The following KDM3B variants were observed in gnomAD, a reference collection of about 807,000 sequenced individuals.
KDM3B encodes the protein lysine demethylase 3B.
KDM3B carries 10 observed loss-of-function variants against 170.0 expected under a neutral mutation model. The ratio of observed to expected loss-of-function variants is 0.06; its 90% CI spans 0.04 to 0.10. The LOEUF (loss-of-function observed/expected upper bound fraction) is 0.10. KDM3B is among the 10% of genes least tolerant of loss of function. The probability of loss-of-function intolerance (pLI) is 1.00; values close to 1 mark genes in which losing one functional copy is unlikely to be tolerated. For missense variants in KDM3B, 1,394 were observed against 2,195.2 expected (o/e 0.64, Z 7.29); for synonymous variants, 831 against 834.8 (o/e 1.00, Z 0.08).
At chr5:138,409,683 T>C (rs1429373393) in intron 11 of KDM3B, among the ~76,000 whole-genome samples, 1 of 152,156 alleles carries the variant, frequency 6.6e-6, no homozygotes, top group Non-Finnish European at 1.5e-5. Flanking sequence ...TTTGGGAAAC[T>C]GAAGTGGGAG....
chr5:138,420,456 T>C (rs1421432316), intron 14 of KDM3B, among the ~76,000 whole-genome samples: 1 of 152,186 alleles, frequency 6.6e-6, no homozygotes, highest in Non-Finnish European at 1.5e-5. Flanking sequence ...AGATGAAAGA[T>C]GGATGACAAC....
At chr5:138,424,034 G>A (rs1763335112) in intron 15 of KDM3B, 41 bp from the exon 16 acceptor site, 1 of 1,499,746 alleles carries the variant, frequency 6.7e-7, no homozygotes, top group Admixed American at 2.2e-5. Flanking sequence ...CGTTCTCATG[G>A]TGCCTCAGTC....
chr5:138,430,473 T>C (rs1431434686), intron 22 of KDM3B, 48 bp downstream of exon 22: 2 of 1,533,364 alleles, frequency 1.3e-6, no homozygotes, highest in Non-Finnish European at 8.9e-7. Context: ...TGGGCTTTCT[T>C]ATTTCTGCTT....
At chr5:138,370,361 G>T (rs775495646) in intron 1 of KDM3B, among the ~76,000 whole-genome samples, 1 of 152,150 alleles carries the variant, frequency 6.6e-6, no homozygotes, top group Non-Finnish European at 1.5e-5. Context: ...CAGTTCACAA[G>T]TATTTGTTGC....
chr5:138,417,021 A>G (rs1763123306), intron 12 of KDM3B, among the ~76,000 whole-genome samples: 1 of 152,148 alleles, frequency 6.6e-6, no homozygotes, highest in African/African-American at 2.4e-5. Flanking sequence ...GGGTTTCACC[A>G]TGTTGGCCAG....
At chr5:138,420,672 G>C in intron 14 of KDM3B, 34 bp from the exon 15 acceptor site, 3 of 1,609,242 alleles carry the variant, frequency 1.9e-6, no homozygotes, top group Non-Finnish European at 2.5e-6. Flanking sequence ...ATTCCTTTTT[G>C]TACCTAATGC....
Position 138,391,084 on chromosome 5 carries a change from T to A in KDM3B, c.1452T>A (p.Thr484=). Residue 484 remains threonine (T), a synonymous_variant, in exon 8 of 24, where the codon ACT becomes ACA. Coordinates refer to ENST00000314358, the MANE Select transcript of KDM3B (RefSeq NM_016604.4). This position sits in a 1 kb window ranked among gnomAD's most constrained non-coding sequence, Gnocchi z 5.0. ...APLPSSSQPL[T]FGSGRSQSNG... Reference sequence around the variant, plus strand: ...TCCCTAGTTCATCGCAACCTTTGACTTTTGGAAGTGGAAGGAGCCAGTCCA... The same window carrying A: ...TCCCTAGTTCATCGCAACCTTTGACATTTGGAAGTGGAAGGAGCCAGTCCA... The A allele has an allele frequency of 6.2e-7, 1 of 1,612,208 alleles. No individual in the cohort carries two copies. The highest frequency in any genetic ancestry group is 8.5e-7 in the Non-Finnish European group (1 of 1,179,108).
intron 11 of KDM3B, among the ~76,000 whole-genome samples, chr5:138,406,358 T>A (rs1762820940): frequency 6.6e-6 from 1 of 152,006 alleles, no homozygotes; most frequent in Non-Finnish European, 1.5e-5. Context: ...AAAAGAAAAG[T>A]TAAGGTCAGG....
chr5:138,418,970 T>C lies in KDM3B; in HGVS notation c.3453T>C (p.Pro1151=), dbSNP rs905799527. ...NGMSQLPSIN[P]SASSGNETTF... is the part of the protein sequence containing the mutation. Reference sequence around the variant, plus strand: ...CATTTTAGCTTCCTAGCATAAACCCTAGTGCCTCTTCTGGAAACGAAACTA... The same window carrying C: ...CATTTTAGCTTCCTAGCATAAACCCCAGTGCCTCTTCTGGAAACGAAACTA... The change falls in exon 14 of 24, where the codon CCT becomes CCC. Residue 1151 remains proline, a synonymous_variant. Coordinates refer to ENST00000314358, the MANE Select transcript of KDM3B (RefSeq NM_016604.4). 1.9e-6 allele frequency: 3 copies of C among 1,614,224 alleles called. No individual in the cohort carries two copies. Among genetic ancestry groups the C allele is most frequent in the Non-Finnish European group, 2.5e-6 (3 of 1,180,040 alleles).
chr5:138,374,265 G>T (rs931813735), intron 2 of KDM3B: 2 of 431,812 alleles, frequency 4.6e-6, no homozygotes, highest in Non-Finnish European at 9.3e-6. Flanking sequence ...ATTTGTTTTT[G>T]TTGTTGTTGT....
At position 138,429,872 on chromosome 5, in the gene KDM3B, G is replaced by A. The variant is rs1192557181; in HGVS notation, c.4800G>A (p.Lys1600=). 3 of 1,614,096 alleles carry A rather than the reference G, an allele frequency of 1.9e-6. No individual in the cohort carries two copies. Among genetic ancestry groups the A allele is most frequent in the African/African-American group, 2.7e-5 (2 of 74,944 alleles). Residue 1600 remains lysine (K), a synonymous_variant, in exon 21 of 24, where the codon AAG becomes AAA. Coordinates refer to ENST00000314358, the MANE Select transcript of KDM3B (RefSeq NM_016604.4). ...AGGGAGATGCCGATGAGGTGACGAA[G>A]CAGAGGATTCATGATGGAAAAGAGA... The part of the protein sequence containing the change: ...IDEGDADEVT[K]QRIHDGKEKP...
Position 138,419,107 on chromosome 5 carries a change from C to G in KDM3B, c.3590C>G (p.Ser1197Trp), listed in dbSNP as rs777239432. The G allele has an allele frequency of 6.2e-7, 1 of 1,614,194 alleles. No individual in the cohort carries two copies. Among genetic ancestry groups the G allele is most frequent in the East Asian group, 2.2e-5 (1 of 44,890 alleles). The stretch of plus-strand genomic sequence containing the variant: ...GAAGAGCCTCTGAAAACAGACAGTT[C>G]GGCATCAAATAGCAATAGTGAACTG... ...RSEEPLKTDS[S>W]ASNSNSELKA... The change falls in exon 14 of 24, where the codon TCG becomes TGG. Residue 1197 changes from serine (S) to tryptophan (W), a missense_variant. Transcript: ENST00000314358.
chr5:138,421,102 G>A, intron 15 of KDM3B, 140 bp downstream of exon 15: 2 of 1,038,870 alleles, frequency 1.9e-6, no homozygotes, highest in Non-Finnish European at 2.8e-6. Context: ...TTAAAGTTTT[G>A]GGAATCTTTT....
At chr5:138,399,635 A>T (rs1434376658) in intron 10 of KDM3B, among the ~76,000 whole-genome samples, 1 of 152,138 alleles carries the variant, frequency 6.6e-6, no homozygotes, top group East Asian at 1.9e-4. Flanking sequence ...TATTACCATG[A>T]GCCCTTGAAA....
At position 138,391,833 on chromosome 5, in the gene KDM3B, A is replaced by C; in HGVS notation, c.2201A>C (p.Gln734Pro). Residue 734 changes from glutamine (Q) to proline (P), a missense_variant, in exon 8 of 24, where the codon CAG becomes CCG. Around this residue, in one of 19 missense-constraint regions of KDM3B, gnomAD observed 294 missense variants for 311.7 expected, o/e 0.94. Coordinates refer to ENST00000314358, the MANE Select transcript of KDM3B (RefSeq NM_016604.4). This position sits in a 1 kb window ranked among gnomAD's most constrained non-coding sequence, Gnocchi z 5.0. ...RSSSPTSSLT[Q>P]PIEMPTLSSS... ...AGCTCGCCCACCAGCAGCCTCACTCAGCCCATTGAGATGCCAACTCTCTCC... is the reference window on the plus strand; with the variant it reads ...AGCTCGCCCACCAGCAGCCTCACTCCGCCCATTGAGATGCCAACTCTCTCC... 3.1e-6 allele frequency: 5 copies of C among 1,614,070 alleles called. No homozygotes were observed. The highest frequency in any genetic ancestry group is 4.2e-6 in the Non-Finnish European group (5 of 1,180,008).
chr5:138,401,897 C>CT (rs927465864), intron 11 of KDM3B, among the ~76,000 whole-genome samples: 6 of 151,342 alleles, frequency 4.0e-5, no homozygotes, highest in Non-Finnish European at 5.9e-5. Context: ...TTTCCATGTG[C>CT]TTTTTTTTAA....
chr5:138,427,123 G>A, intron 18 of KDM3B, 58 bp downstream of exon 18: 1 of 1,606,914 alleles, frequency 6.2e-7, no homozygotes, highest in Non-Finnish European at 8.5e-7. Flanking sequence ...TCACAGAAAA[G>A]TGAAATTTGT....
At chr5:138,380,046 G>C (rs1397369519) in intron 5 of KDM3B, among the ~76,000 whole-genome samples, 1 of 152,076 alleles carries the variant, frequency 6.6e-6, no homozygotes, top group Non-Finnish European at 1.5e-5. Context: ...GGAGTGCAGT[G>C]GTGCGATCAC....
chr5:138,414,916 C>T (rs1763064586), intron 11 of KDM3B, among the ~76,000 whole-genome samples: 1 of 152,170 alleles, frequency 6.6e-6, no homozygotes, highest in Non-Finnish European at 1.5e-5. Context: ...ATGATCAAGC[C>T]ACTAGACTCC....
Sources: gnomAD v4.1 joint callset for allele counts (sites outside exome capture counted in the v4.1 genomes callset) on GRCh38, gnomAD v4.1.1 for gene constraint, gnomAD v4.1.1 regional missense constraint, Gnocchi (gnomAD v3.1) non-coding constraint, MANE v1.5 for transcripts, NCBI Gene and HGNC (gene_info 2026-07-23, HGNC 2026-07-21) for gene names.